PCGF5: variants seen among roughly 807,000 people sequenced by gnomAD.
The protein encoded by PCGF5 is polycomb group RING finger protein 5.
In PCGF5, 9 loss-of-function variants were observed where a neutral mutation model predicts 44.3. The ratio of observed to expected loss-of-function variants is 0.20; its 90% confidence interval spans 0.12 to 0.35. PCGF5 has a LOEUF of 0.35. Among genes scored for constraint, PCGF5 ranks in the 10% least tolerant of loss-of-function variants. The pLI is 1.00. For missense variants in PCGF5, 146 were observed against 305.3 expected, an observed-to-expected ratio of 0.48 and a Z score of 3.89; for synonymous variants, 95 against 102.5, an observed-to-expected ratio of 0.93 and a Z score of 0.44.
Position 91,240,047 on chromosome 10 carries a change from T to C in PCGF5, c.113-437T>C, listed in dbSNP as rs141136720. Among the ~76,000 whole-genome samples, 75 of 152,314 alleles carry C rather than the reference T, an allele frequency of 4.9e-4. 1 individual carries two copies. The East Asian group carries it at 0.013, about 26-fold the overall frequency. ...TGGAGCACCCTGCCAATAAAAGTAA[T>C]GCAAACAGGTTGAAAACTCTCAAGT... On this transcript the variant is annotated intron_variant, in intron 2 of 9. Coordinates refer to ENST00000336126, the MANE Select transcript of PCGF5 (RefSeq NM_032373.5).
Position 91,171,191 on chromosome 10 carries a change from A to T in PCGF5, c.-184+8110A>T, listed in dbSNP as rs79754569. On this transcript the variant is annotated intron_variant, in intron 1 of 9. Transcript: ENST00000614189. ...TTATACATTTGTCCAAATCCCTAGA[A>T]TGTAGAAGAATACAAAATACAGATG... 8.6e-3 allele frequency among the ~76,000 whole-genome samples: 1,306 copies of T among 152,332 alleles called. 18 individuals are homozygous for T. Among genetic ancestry groups the T allele is most frequent in the African/African-American group, 0.03 (1,234 of 41,564 alleles).
At chr10:91,238,145 A>G (rs1845218527) in intron 2 of PCGF5, among the ~76,000 whole-genome samples, 1 of 152,232 alleles carries the variant, frequency 6.6e-6, no homozygotes, top group Non-Finnish European at 1.5e-5. Flanking sequence ...TTTTATACTT[A>G]CATTACATCT....
chr10:91,170,796 A>G (rs896759534), intron 1 of PCGF5, among the ~76,000 whole-genome samples: 2 of 152,240 alleles, frequency 1.3e-5, no homozygotes, highest in African/African-American at 2.4e-5. Context: ...GTGGCCACAC[A>G]GAAACCTGCA....
chr10:91,251,745 A>G (rs1017262827), intron 6 of PCGF5, among the ~76,000 whole-genome samples: 1 of 151,960 alleles, frequency 6.6e-6, no homozygotes, highest in African/African-American at 2.4e-5. Flanking sequence ...TGACCAACTT[A>G]GACTTAGAGA....
rs572267689 is a variant in PCGF5 at position 91,262,384 on chromosome 10, C to T, written c.573+960C>T. Reference sequence around the variant, plus strand: ...CGGAGGTTGCAGTGACCCGAGATCACGCCACTGCACTCCAGCCTGGGCGAC... The same window carrying T: ...CGGAGGTTGCAGTGACCCGAGATCATGCCACTGCACTCCAGCCTGGGCGAC... On this transcript the variant is annotated intron_variant, in intron 7 of 9. Coordinates refer to ENST00000336126, the MANE Select transcript of PCGF5 (RefSeq NM_032373.5). 5.7e-4 allele frequency among the ~76,000 whole-genome samples: 86 copies of T among 152,138 alleles called. 2 individuals are homozygous for T. In the South Asian group the frequency reaches 0.01, roughly 18 times the overall value.
At chr10:91,219,351 T>C (rs749649751), upstream of PCGF5, among the ~76,000 whole-genome samples, 97 of 152,362 alleles carry the variant, frequency 6.4e-4, no homozygotes, top group Admixed American at 2.0e-3. Context: ...TTAAAACATA[T>C]TTAAAATAGT....
chr10:91,245,020 A>G (rs1217992947), intron 3 of PCGF5, among the ~76,000 whole-genome samples: 2 of 152,210 alleles, frequency 1.3e-5, no homozygotes, highest in Non-Finnish European at 2.9e-5. Context: ...AGGTCTTTCA[A>G]ACTGTAAGCA....
At chr10:91,227,793 C>G in intron 2 of PCGF5, 1 of 990,474 alleles carries the variant, frequency 1.0e-6, no homozygotes, top group Non-Finnish European at 1.2e-6. Context: ...CATACAAATA[C>G]TTGGTTCAAC....
At chr10:91,273,908 G>T (rs1846245004) in intron 9 of PCGF5, among the ~76,000 whole-genome samples, 2 of 150,864 alleles carry the variant, frequency 1.3e-5, no homozygotes, top group Admixed American at 1.3e-4. Flanking sequence ...ATCATCAGTA[G>T]ATACTGAAAA....
At chr10:91,203,460 T>C (rs950506451) in intron 1 of PCGF5, among the ~76,000 whole-genome samples, 1 of 152,240 alleles carries the variant, frequency 6.6e-6, no homozygotes, top group African/African-American at 2.4e-5. Flanking sequence ...CCAAAGGTTA[T>C]AGTTTTATTG....
At chr10:91,260,996 TA>T in intron 6 of PCGF5, among the ~76,000 whole-genome samples, 1 of 151,444 alleles carries the variant, frequency 6.6e-6, no homozygotes, top group Non-Finnish European at 1.5e-5. Flanking sequence ...TAATAAAAAA[TA>T]TATATATTTT....
intron 2 of PCGF5, chr10:91,227,957 GTTATT>G (rs932653543): frequency 2.1e-6 from 2 of 956,914 alleles, no homozygotes; most frequent in Admixed American, 6.2e-5. Context: ...TGGCTAATAA[GTTATT>G]TTATTGTGTA....
At chr10:91,246,193 T>C (rs1242781369) in intron 3 of PCGF5, among the ~76,000 whole-genome samples, 2 of 152,202 alleles carry the variant, frequency 1.3e-5, no homozygotes, top group Non-Finnish European at 1.5e-5. Context: ...GAAATGAAAC[T>C]AAGTTGGTTC....
chr10:91,251,221 C>A, intron 5 of PCGF5, 71 bp from the exon 6 acceptor site: 3 of 1,203,364 alleles, frequency 2.5e-6, no homozygotes, highest in Non-Finnish European at 2.3e-6. Context: ...TTTTGATTAT[C>A]AATGTATGAT....
chr10:91,248,859 C>A (rs760807569), intron 5 of PCGF5, 135 bp downstream of exon 5: 2 of 730,406 alleles, frequency 2.7e-6, no homozygotes, highest in Non-Finnish European at 4.6e-6. Flanking sequence ...ATTTACATTA[C>A]GAACCTTTTT....
intron 7 of PCGF5, among the ~76,000 whole-genome samples, chr10:91,263,072 T>A (rs927128899): frequency 6.6e-6 from 1 of 152,232 alleles, no homozygotes; most frequent in African/African-American, 2.4e-5. Flanking sequence ...TGTATCCCAA[T>A]GCAAAGGACT....
At chr10:91,166,257 C>A (rs1843497434) in intron 1 of PCGF5, among the ~76,000 whole-genome samples, 1 of 152,132 alleles carries the variant, frequency 6.6e-6, no homozygotes, top group Non-Finnish European at 1.5e-5. Context: ...TGATTGTCTG[C>A]CTTTTGCTTG....
Position 91,171,034 on chromosome 10 carries a change from G to C in PCGF5, c.-184+7953G>C, listed in dbSNP as rs112890248. Among the ~76,000 whole-genome samples the C allele has an allele frequency of 2.1e-3, 319 of 152,218 alleles. 1 individual carries two copies. The highest frequency in any genetic ancestry group is 7.3e-3 in the African/African-American group (305 of 41,534). On this transcript the variant is annotated intron_variant, in intron 1 of 9. Coordinates refer to the PCGF5 transcript ENST00000614189. ...GTGATTCCAACTACACAACATTCTG[G>C]GCAAGCAAAACCATAGAGTAAAAAG...
intron 2 of PCGF5, among the ~76,000 whole-genome samples, chr10:91,240,268 A>G (rs912214805): frequency 7.2e-5 from 11 of 152,210 alleles, no homozygotes; most frequent in African/African-American, 2.7e-4. Context: ...GAAAACAATA[A>G]GCAAAATAAT....
Sources: allele counts gnomAD v4.1 joint callset (sites outside exome capture counted in the v4.1 genomes callset), GRCh38; gene constraint gnomAD v4.1.1; transcripts MANE v1.5; gene names NCBI Gene and HGNC (gene_info 2026-07-23, HGNC 2026-07-21).